CDH13: variants seen among roughly 807,000 people sequenced by gnomAD.
CDH13 encodes cadherin-13.
CDH13 carries 24 observed loss-of-function variants against 63.8 expected under a neutral mutation model. The observed-to-expected ratio is 0.38, with a 90% CI of 0.27 to 0.53. The LOEUF is 0.53. Ranked by LOEUF, CDH13 falls within the 20% of genes least tolerant of loss-of-function variation. The pLI is 0.85. For missense variants in CDH13, 1,049 were observed against 903.1 expected (o/e 1.16, Z -2.07); for synonymous variants, 503 against 355.3 (o/e 1.42, Z -4.67).
At chr16:82,976,500 A>C (rs925793211) in intron 2 of CDH13, among the ~76,000 whole-genome samples, 1 of 152,178 alleles carries the variant, frequency 6.6e-6, no homozygotes, top group Admixed American at 6.5e-5. Flanking sequence ...ATCATAGATT[A>C]AAATAATAAT....
intron 8 of CDH13, among the ~76,000 whole-genome samples, chr16:83,618,569 G>A (rs1909509161): frequency 6.6e-6 from 1 of 151,972 alleles, no homozygotes; most frequent in South Asian, 2.1e-4. Flanking sequence ...AGAAACCCAG[G>A]CTCCAGCCCT....
chr16:82,742,956 A>G (rs974033657), intron 1 of CDH13, among the ~76,000 whole-genome samples: 2 of 152,246 alleles, frequency 1.3e-5, no homozygotes, highest in Non-Finnish European at 2.9e-5. Context: ...TTAAGTGCAT[A>G]AAATTACTAA....
intron 6 of CDH13, among the ~76,000 whole-genome samples, chr16:83,446,076 G>C (rs778918601): frequency 6.6e-6 from 1 of 151,984 alleles, no homozygotes; most frequent in Non-Finnish European, 1.5e-5. Flanking sequence ...AGGTGGGGGG[G>C]CAGATTACAG....
At chr16:82,885,500 C>T (rs1325232359) in intron 2 of CDH13, among the ~76,000 whole-genome samples, 4 of 148,816 alleles carry the variant, frequency 2.7e-5, no homozygotes, top group Admixed American at 6.7e-5. Flanking sequence ...TCCATCCATC[C>T]ACCCATCCAT....
chr16:83,262,292 G>A (rs548220510), intron 5 of CDH13, among the ~76,000 whole-genome samples: 1 of 152,182 alleles, frequency 6.6e-6, no homozygotes, highest in Non-Finnish European at 1.5e-5. Context: ...ATTTGCCCAT[G>A]GGGGGAGGAC....
At chr16:82,629,448 T>G (rs1907743494) in intron 1 of CDH13, among the ~76,000 whole-genome samples, 1 of 152,214 alleles carries the variant, frequency 6.6e-6, no homozygotes, top group African/African-American at 2.4e-5. Context: ...GAAGTTCACG[T>G]GCAGAACTCT....
intron 1 of CDH13, among the ~76,000 whole-genome samples, chr16:82,775,188 G>A (rs892965298): frequency 3.9e-5 from 6 of 152,178 alleles, no homozygotes; most frequent in African/African-American, 1.4e-4. Context: ...AGTTGTGATA[G>A]AGTGAATAGA....
intron 2 of CDH13, among the ~76,000 whole-genome samples, chr16:82,987,352 T>C (rs1311270094): frequency 6.7e-6 from 1 of 149,888 alleles, no homozygotes; most frequent in Non-Finnish European, 1.5e-5. Context: ...CAATTTTTGT[T>C]TTGTTTTGTT....
At chr16:82,962,278 C>A (rs1026528366) in intron 2 of CDH13, among the ~76,000 whole-genome samples, 5 of 152,128 alleles carry the variant, frequency 3.3e-5, no homozygotes, top group African/African-American at 1.2e-4. Flanking sequence ...CAATATGGCC[C>A]CAAGCCAAGG....
chr16:82,822,818 T>C (rs1021741313), intron 1 of CDH13, among the ~76,000 whole-genome samples: 1 of 152,178 alleles, frequency 6.6e-6, no homozygotes, highest in Non-Finnish European at 1.5e-5. Context: ...TGAAGCAAAT[T>C]AGTGCCTTAA....
At chr16:82,967,053 A>G (rs545674784) in intron 2 of CDH13, among the ~76,000 whole-genome samples, 78 of 152,158 alleles carry the variant, frequency 5.1e-4, no homozygotes, top group Non-Finnish European at 9.3e-4. Context: ...AAAGTTCTTC[A>G]TCTTTGTTCT....
rs373947813 is a variant in CDH13, at chr16:83,055,244, C to G, written c.366+23026C>G. 1.3e-4 allele frequency among the ~76,000 whole-genome samples: 20 copies of G among 151,718 alleles called. No individual in the cohort carries two copies. The East Asian group carries it at 3.9e-3, about 29-fold the overall frequency. Reference sequence around the variant, plus strand: ...AAATCAGAGAACACCAAATTTAACTCTAATAAAATGGAGGGAAGGAAATAA... The same window carrying G: ...AAATCAGAGAACACCAAATTTAACTGTAATAAAATGGAGGGAAGGAAATAA... On this transcript the variant is annotated intron_variant, in intron 3 of 13. Transcript: ENST00000567109.
intron 1 of CDH13, among the ~76,000 whole-genome samples, chr16:82,627,944 C>G (rs910589093): frequency 6.6e-6 from 1 of 152,258 alleles, no homozygotes; most frequent in East Asian, 1.9e-4. Context: ...CCTTGCCCAC[C>G]CGGGCTGCAG....
intron 5 of CDH13, among the ~76,000 whole-genome samples, chr16:83,318,976 CATT>C (rs1567588345): frequency 6.6e-6 from 1 of 151,060 alleles, no homozygotes; most frequent in East Asian, 1.9e-4. Context: ...ATAATTCAAT[CATT>C]ATTCATTAAG....
At chr16:83,277,693 T>C (rs1005864315) in intron 5 of CDH13, among the ~76,000 whole-genome samples, 1 of 152,168 alleles carries the variant, frequency 6.6e-6, no homozygotes, top group Non-Finnish European at 1.5e-5. Flanking sequence ...ATCCAGCGGA[T>C]TCCCTTAAGT....
At chr16:83,470,304 G>A (rs1031305306) in intron 6 of CDH13, among the ~76,000 whole-genome samples, 3 of 152,002 alleles carry the variant, frequency 2.0e-5, no homozygotes, top group Non-Finnish European at 2.9e-5. Flanking sequence ...CAATCCTTCC[G>A]CCTCAGTCTC....
At chr16:82,777,059 C>T (rs2126371) in intron 1 of CDH13, among the ~76,000 whole-genome samples, 46,515 of 152,160 alleles carry the variant, frequency 0.31, 7,312 homozygotes, top group East Asian at 0.51. Context: ...GATCCTTCTG[C>T]CTCAGCCTCC....
intron 6 of CDH13, among the ~76,000 whole-genome samples, chr16:83,450,751 T>G (rs1256368681): frequency 6.6e-6 from 1 of 152,126 alleles, no homozygotes; most frequent in East Asian, 1.9e-4. Context: ...GCGCCTGTAG[T>G]CCCAGCTCCT....
At chr16:82,712,326 CA>C (rs1410847104) in intron 1 of CDH13, among the ~76,000 whole-genome samples, 1 of 152,132 alleles carries the variant, frequency 6.6e-6, no homozygotes, top group East Asian at 1.9e-4. Context: ...CTTTGAAGCA[CA>C]AACCTCCACA....
Sources: gnomAD v4.1 joint callset for allele counts (sites outside exome capture counted in the v4.1 genomes callset) on GRCh38, gnomAD v4.1.1 for gene constraint, MANE v1.5 for transcripts, NCBI Gene and HGNC (gene_info 2026-07-23, HGNC 2026-07-21) for gene names.